The following DCDC1 variants were observed in gnomAD, a reference collection of about 807,000 sequenced individuals.
DCDC1 encodes the protein doublecortin domain containing 1, also known as doublecortin domain-containing protein 1.
DCDC1 carries 200 observed loss-of-function variants against 178.3 expected under a neutral mutation model. That is an observed-to-expected ratio of 1.12 (90% CI 1.00 to 1.26). DCDC1 has a LOEUF of 1.26. DCDC1 is among the 50% of genes most tolerant of loss of function. The pLI, the probability that DCDC1 is intolerant of heterozygous loss-of-function variation, is 0.00. For synonymous variants in DCDC1, 690 were observed against 604.8 expected (o/e 1.14, Z -2.07); for missense variants, 1,983 against 1,749.2 (o/e 1.13, Z -2.38).
intron 9 of DCDC1, among the ~76,000 whole-genome samples, chr11:31,201,066 T>C (rs1251371869): frequency 2.0e-5 from 3 of 152,030 alleles, no homozygotes; most frequent in Non-Finnish European, 4.4e-5. Flanking sequence ...GTCCACTCCA[T>C]TAGACTTTAA....
Position 31,305,781 on chromosome 11 carries a change from G to A in DCDC1, c.592-4C>T. On this transcript the variant is annotated splice_region_variant and splice_polypyrimidine_tract_variant and intron_variant, in intron 5 of 38. Coordinates refer to ENST00000684477, the MANE Select transcript of DCDC1 (RefSeq NM_001387274.1). ...TTTCTGTGCACTCCTCCAGCAGCTA[G>A]AAGAAAGCAAGAGGTAAGTCAAAGT... 4 of 1,612,010 alleles carry A rather than the reference G, an allele frequency of 2.5e-6. No individual in the cohort carries two copies. Among genetic ancestry groups the A allele is most frequent in the Non-Finnish European group, 3.4e-6 (4 of 1,179,002 alleles).
At chr11:31,128,404 T>C (rs1333551075) in intron 10 of DCDC1, among the ~76,000 whole-genome samples, 3 of 152,100 alleles carry the variant, frequency 2.0e-5, no homozygotes, top group African/African-American at 7.2e-5. Context: ...TAGTTAACAT[T>C]TTCACCCATA....
intron 20 of DCDC1, among the ~76,000 whole-genome samples, chr11:31,021,415 A>C (rs1028267414): frequency 2.6e-5 from 4 of 152,192 alleles, no homozygotes; most frequent in Admixed American, 6.5e-5. Flanking sequence ...AACGGAGCAC[A>C]TTTTGTGTAC....
At chr11:31,326,519 TA>T (rs1368930106) in intron 3 of DCDC1, among the ~76,000 whole-genome samples, 1 of 152,206 alleles carries the variant, frequency 6.6e-6, no homozygotes. Flanking sequence ...GGCATTTGTA[TA>T]AAGGAACATT....
chr11:31,235,870 G>T (rs1976388785), intron 9 of DCDC1, among the ~76,000 whole-genome samples: 1 of 151,932 alleles, frequency 6.6e-6, no homozygotes, highest in Admixed American at 6.6e-5. Flanking sequence ...CTAATTGAAA[G>T]ACACCCAGCT....
intron 1 of DCDC1, among the ~76,000 whole-genome samples, chr11:31,339,343 A>G (rs1200619605): frequency 2.0e-5 from 3 of 152,208 alleles, no homozygotes; most frequent in Non-Finnish European, 4.4e-5. Context: ...TCAATAAGGA[A>G]GCAGGCACTC....
chr11:31,331,308 A>G (rs1006338092), intron 2 of DCDC1, among the ~76,000 whole-genome samples: 1 of 152,212 alleles, frequency 6.6e-6, no homozygotes, highest in African/African-American at 2.4e-5. Context: ...TTCTAAATGT[A>G]CAATCATGTC....
intron 21 of DCDC1, 39 bp from the exon 22 acceptor site, chr11:30,931,991 G>A: frequency 6.5e-7 from 1 of 1,548,762 alleles, no homozygotes; most frequent in Non-Finnish European, 8.7e-7. Context: ...AATAAATACA[G>A]AAGAAGGGTC....
At chr11:30,920,265 C>G (rs1352313673) in intron 25 of DCDC1, among the ~76,000 whole-genome samples, 3 of 152,112 alleles carry the variant, frequency 2.0e-5, no homozygotes, top group Non-Finnish European at 4.4e-5. Flanking sequence ...GTTTTTCTGT[C>G]TGCAATAGGT....
At chr11:31,015,441 C>A (rs1341744862) in intron 20 of DCDC1, among the ~76,000 whole-genome samples, 3 of 152,130 alleles carry the variant, frequency 2.0e-5, no homozygotes, top group South Asian at 2.1e-4. Context: ...GTTTCCCTTT[C>A]TCCAGCTGCT....
chr11:31,113,073 C>A (rs1432804858), intron 11 of DCDC1, among the ~76,000 whole-genome samples: 1 of 152,062 alleles, frequency 6.6e-6, no homozygotes, highest in African/African-American at 2.4e-5. Context: ...AGTGGGTCTT[C>A]TTTAACAAAA....
chr11:31,107,171 G>T (rs2036826261), intron 12 of DCDC1, among the ~76,000 whole-genome samples: 1 of 152,122 alleles, frequency 6.6e-6, no homozygotes, highest in Non-Finnish European at 1.5e-5. Flanking sequence ...AACCAGCAGG[G>T]GGGGCCACAG....
chr11:30,980,534 G>A (rs1950340510), intron 20 of DCDC1, among the ~76,000 whole-genome samples: 2 of 152,180 alleles, frequency 1.3e-5, no homozygotes, highest in South Asian at 4.1e-4. Flanking sequence ...GGGGGATGGT[G>A]TGGCTGTGAA....
At chr11:31,211,152 C>T (rs1396436146) in intron 9 of DCDC1, among the ~76,000 whole-genome samples, 1 of 152,146 alleles carries the variant, frequency 6.6e-6, no homozygotes, top group Non-Finnish European at 1.5e-5. Flanking sequence ...TTCAAGACTC[C>T]ATCTTTAGCA....
chr11:31,328,945 C>CTTTTTTTTTTTTT (rs1176942329), intron 2 of DCDC1, among the ~76,000 whole-genome samples: 24 of 47,800 alleles, frequency 5.0e-4, no homozygotes, highest in Non-Finnish European at 5.9e-4. Flanking sequence ...CACCACAAGG[C>CTTTTTTTTTTTTT]TTTTTTTTTT....
chr11:30,967,421 C>T (rs1271762071), intron 20 of DCDC1, among the ~76,000 whole-genome samples: 2 of 152,040 alleles, frequency 1.3e-5, no homozygotes, highest in Non-Finnish European at 2.9e-5. Flanking sequence ...TCGTCTCAGC[C>T]CAAAATCTCC....
chr11:31,332,549 A>G (rs1950048651), intron 2 of DCDC1, among the ~76,000 whole-genome samples: 1 of 152,148 alleles, frequency 6.6e-6, no homozygotes, highest in African/African-American at 2.4e-5. Context: ...CACTGCTTTA[A>G]ATGTGTCCCA....
intron 9 of DCDC1, among the ~76,000 whole-genome samples, chr11:31,223,008 CTA>C (rs1380266763): frequency 1.3e-5 from 2 of 152,042 alleles, no homozygotes; most frequent in Admixed American, 1.3e-4. Context: ...AAACAATAAA[CTA>C]TGTATATATT....
rs1940799579 is a variant in DCDC1 at position 30,863,690 on chromosome 11, C to T, written c.*1683G>A. ...AAAGTTAGAATCACTTCATCTGACG[C>T]GTATTTAGAAATCATCCATTTGAGA... On this transcript the variant is annotated 3_prime_UTR_variant, in exon 39 of 39. Transcript: ENST00000684477. The T allele has an allele frequency of 2.6e-5, 4 of 152,186 alleles. No individual in the cohort carries two copies. The highest frequency in any genetic ancestry group is 7.2e-5 in the African/African-American group (3 of 41,450). The allele number at this position is 152,186 out of a possible 1,614,324, so 9.4% of individuals were successfully genotyped here. A position where few individuals can be genotyped will look rare whatever the true frequency, so the allele number is the denominator to read the frequency against.
Sources: gnomAD v4.1 joint callset for allele counts (sites outside exome capture counted in the v4.1 genomes callset) on GRCh38, gnomAD v4.1.1 for gene constraint, MANE v1.5 for transcripts, NCBI Gene and HGNC (gene_info 2026-07-23, HGNC 2026-07-21) for gene names.